The following CPNE4 variants were observed in gnomAD, a reference collection of about 807,000 sequenced individuals.
The protein encoded by CPNE4 is copine-4.
In CPNE4, 25 loss-of-function variants were observed where a neutral mutation model predicts 67.9. That is an observed-to-expected ratio of 0.37 (90% confidence interval 0.27 to 0.51). CPNE4 has a LOEUF of 0.51. Ranked by LOEUF, CPNE4 falls within the 20% of genes least tolerant of loss-of-function variation. The pLI, the probability that CPNE4 is intolerant of heterozygous loss-of-function variation, is 0.93. For missense variants in CPNE4, 464 were observed against 690.8 expected (o/e 0.67, Z 3.68); for synonymous variants, 242 against 244.9 (o/e 0.99, Z 0.11).
At chr3:131,919,900 G>A (rs2070695314) in intron 1 of CPNE4, among the ~76,000 whole-genome samples, 1 of 152,138 alleles carries the variant, frequency 6.6e-6, no homozygotes, top group African/African-American at 2.4e-5. Flanking sequence ...TTAATTAAAA[G>A]AAAGCAGTAA....
intron 7 of CPNE4, among the ~76,000 whole-genome samples, chr3:131,651,100 TA>T (rs2107623746): frequency 6.6e-6 from 1 of 152,276 alleles, no homozygotes; most frequent in East Asian, 1.9e-4. Context: ...ATACAGTTTA[TA>T]AAATGTAGGC....
At chr3:131,933,580 T>C (rs976716117) in intron 1 of CPNE4, among the ~76,000 whole-genome samples, 2 of 152,192 alleles carry the variant, frequency 1.3e-5, no homozygotes, top group Admixed American at 6.5e-5. Context: ...TACATTCTTA[T>C]ATTCACTGCA....
intron 1 of CPNE4, chr3:132,017,315 G>A (rs1039966592): frequency 1.3e-5 from 2 of 151,820 alleles, no homozygotes; most frequent in Non-Finnish European, 2.9e-5. Context: ...GGAAGAAAGA[G>A]AAGGAGAGAA....
At chr3:131,941,866 T>G (rs1404740560) in intron 1 of CPNE4, among the ~76,000 whole-genome samples, 1 of 152,112 alleles carries the variant, frequency 6.6e-6, no homozygotes, top group Admixed American at 6.6e-5. Flanking sequence ...GTTCTTTTAT[T>G]AAAACCTAAT....
intron 1 of CPNE4, among the ~76,000 whole-genome samples, chr3:131,999,775 C>A (rs2073383148): frequency 6.6e-6 from 1 of 151,804 alleles, no homozygotes; most frequent in African/African-American, 2.4e-5. Flanking sequence ...AAATTTTTTT[C>A]ATAGTAAAAC....
At chr3:131,650,903 C>A (rs902210202) in intron 7 of CPNE4, among the ~76,000 whole-genome samples, 1 of 151,864 alleles carries the variant, frequency 6.6e-6, no homozygotes, top group African/African-American at 2.4e-5. Flanking sequence ...AAATGGTAAA[C>A]CATTTCAAAC....
intron 1 of CPNE4, among the ~76,000 whole-genome samples, chr3:132,032,135 G>A (rs2074248958): frequency 6.6e-6 from 1 of 152,136 alleles, no homozygotes; most frequent in African/African-American, 2.4e-5. Flanking sequence ...AGATAAACAG[G>A]AAGTCTTTTA....
At chr3:131,762,879 A>G (rs939367976) in intron 2 of CPNE4, among the ~76,000 whole-genome samples, 4 of 151,446 alleles carry the variant, frequency 2.6e-5, no homozygotes, top group South Asian at 2.1e-4. Flanking sequence ...TTTTTTTCCA[A>G]TATTGCAATT....
chr3:131,609,180 A>G (rs374121137), intron 7 of CPNE4, among the ~76,000 whole-genome samples: 3 of 152,196 alleles, frequency 2.0e-5, no homozygotes, highest in Admixed American at 6.5e-5. Flanking sequence ...AGCTAGCTCC[A>G]TGGGGCTGCA....
chr3:131,671,048 A>G (rs1161395591), intron 6 of CPNE4, among the ~76,000 whole-genome samples: 1 of 152,228 alleles, frequency 6.6e-6, no homozygotes, highest in Non-Finnish European at 1.5e-5. Context: ...TCGGCCTCCC[A>G]GAGTGCTGGG....
chr3:131,810,784 A>G (rs1560369545), intron 2 of CPNE4, among the ~76,000 whole-genome samples: 1 of 152,120 alleles, frequency 6.6e-6, no homozygotes, highest in South Asian at 2.1e-4. Flanking sequence ...TAAACAACCT[A>G]AACATTCATG....
intron 3 of CPNE4, among the ~76,000 whole-genome samples, chr3:131,714,032 T>C (rs11705977): frequency 6.6e-6 from 1 of 152,174 alleles, no homozygotes; most frequent in East Asian, 1.9e-4. Flanking sequence ...GGGCAAGCTT[T>C]GCATGTGAGA....
chr3:131,768,216 C>A (rs550388806), intron 2 of CPNE4, among the ~76,000 whole-genome samples: 1 of 152,050 alleles, frequency 6.6e-6, no homozygotes, highest in Non-Finnish European at 1.5e-5. Context: ...CTTCTGACAG[C>A]TTGTATAGGT....
chr3:131,746,419 G>T (rs1216795187), intron 2 of CPNE4, among the ~76,000 whole-genome samples: 1 of 151,894 alleles, frequency 6.6e-6, no homozygotes, highest in African/African-American at 2.4e-5. Context: ...TCTCTCCAAG[G>T]CCTTCTCTCC....
intron 2 of CPNE4, among the ~76,000 whole-genome samples, chr3:131,830,850 T>C (rs906287207): frequency 2.6e-5 from 4 of 152,126 alleles, no homozygotes; most frequent in African/African-American, 7.2e-5. Context: ...AAGAAGTCAA[T>C]AAATTTGCAT....
At chr3:131,692,198 T>C (rs2081050638) in intron 5 of CPNE4, among the ~76,000 whole-genome samples, 1 of 152,160 alleles carries the variant, frequency 6.6e-6, no homozygotes, top group Non-Finnish European at 1.5e-5. Context: ...GAAGAAATTA[T>C]CTGAAAGATG....
intron 2 of CPNE4, among the ~76,000 whole-genome samples, chr3:131,748,873 T>C (rs1206123165): frequency 1.3e-5 from 2 of 149,478 alleles, no homozygotes; most frequent in East Asian, 2.0e-4. Flanking sequence ...TCCCAGTTGT[T>C]ACAGGATTTG....
intron 7 of CPNE4, among the ~76,000 whole-genome samples, chr3:131,632,436 G>A (rs184905070): frequency 2.6e-4 from 39 of 152,200 alleles, no homozygotes; most frequent in Admixed American, 8.5e-4. Context: ...AAGTAACAGC[G>A]TCAGACTTTT....
At chr3:131,741,461 T>C (rs767407863) in intron 2 of CPNE4, among the ~76,000 whole-genome samples, 5 of 151,946 alleles carry the variant, frequency 3.3e-5, no homozygotes, top group Admixed American at 6.6e-5. Flanking sequence ...GAATTAAAAA[T>C]AATAAGCCAT....
Sources: allele counts gnomAD v4.1 joint callset (sites outside exome capture counted in the v4.1 genomes callset), GRCh38; gene constraint gnomAD v4.1.1; transcripts MANE v1.5; gene names NCBI Gene and HGNC (gene_info 2026-07-23, HGNC 2026-07-21).